COBL: variants seen among roughly 807,000 people sequenced by gnomAD.
COBL encodes the protein cordon-bleu WH2 repeat protein.
In COBL, 51 loss-of-function variants were observed where a neutral mutation model predicts 98.8. The observed-to-expected ratio is 0.52, with a 90% CI of 0.41 to 0.65. The LOEUF is 0.65. Ranked by LOEUF, COBL falls within the 30% of genes least tolerant of loss-of-function variation. The probability of loss-of-function intolerance (pLI) is 0.00; values close to 1 mark genes in which losing one functional copy is unlikely to be tolerated. For missense variants in COBL, 1,617 were observed against 1,617.5 expected (o/e 1.00, Z 0.01); for synonymous variants, 634 against 651.7 (o/e 0.97, Z 0.41).
intron 5 of COBL, among the ~76,000 whole-genome samples, chr7:51,164,418 C>T (rs982605387): frequency 1.3e-5 from 2 of 152,090 alleles, no homozygotes; most frequent in African/African-American, 4.8e-5. Context: ...TGTCTGGCAG[C>T]AGACTTTTCA....
At chr7:51,073,804 T>C (rs1191905557) in intron 7 of COBL, among the ~76,000 whole-genome samples, 1 of 152,190 alleles carries the variant, frequency 6.6e-6, no homozygotes, top group African/African-American at 2.4e-5. Context: ...ACAGACCATA[T>C]GGCTTTGTGA....
chr7:51,132,766 C>T (rs1219821784), intron 6 of COBL, among the ~76,000 whole-genome samples: 2 of 152,160 alleles, frequency 1.3e-5, no homozygotes, highest in African/African-American at 4.8e-5. Flanking sequence ...GAAGCTTTTA[C>T]TCATGGTGAA....
chr7:51,128,367 G>A (rs1382372482), intron 6 of COBL, among the ~76,000 whole-genome samples: 3 of 152,188 alleles, frequency 2.0e-5, no homozygotes, highest in Non-Finnish European at 4.4e-5. Context: ...ATATGTGTGC[G>A]TGTATGTGTG....
At chr7:51,204,049 AGATG>A in intron 2 of COBL, among the ~76,000 whole-genome samples, 1 of 152,344 alleles carries the variant, frequency 6.6e-6, no homozygotes, top group South Asian at 2.1e-4. Flanking sequence ...TTTCTCCCTG[AGATG>A]CAAGGATGGT....
intron 12 of COBL, among the ~76,000 whole-genome samples, chr7:51,020,232 C>A (rs1010779007): frequency 6.6e-6 from 1 of 152,292 alleles, no homozygotes; most frequent in African/African-American, 2.4e-5. Context: ...AGGGGAGCTA[C>A]GACCTTGACT....
intron 1 of COBL, among the ~76,000 whole-genome samples, chr7:51,232,676 T>G (rs1342746241): frequency 6.6e-6 from 1 of 151,896 alleles, no homozygotes; most frequent in Non-Finnish European, 1.5e-5. Flanking sequence ...CTGGGCGTGG[T>G]GGCGGGCATC....
At chr7:51,138,934 C>T (rs1012077294) in intron 5 of COBL, among the ~76,000 whole-genome samples, 2 of 152,212 alleles carry the variant, frequency 1.3e-5, no homozygotes, top group African/African-American at 4.8e-5. Context: ...ACAACTATGC[C>T]TGCCTGACTG....
chr7:51,029,200 A>C lies in COBL; in HGVS notation c.1896T>G (p.Thr632=), dbSNP rs1048771254. Residue 632 remains threonine, a synonymous_variant, in exon 10 of 13, where the codon ACT becomes ACG. Transcript: ENST00000265136. ...CTGTGTGAAGATTCGAAGCAAAAGA[A>C]GTCACCCTGGGCGCCGTTTCCATTA... ...GNLMETAPRV[T]SFASNLHTDN... The C allele has an allele frequency of 4.3e-6, 7 of 1,614,104 alleles. No individual in the cohort carries two copies. In the African/African-American group the frequency reaches 9.3e-5, roughly 22 times the overall value.
intron 2 of COBL, among the ~76,000 whole-genome samples, chr7:51,200,927 A>C (rs184154985): frequency 3.7e-4 from 56 of 152,250 alleles, no homozygotes; most frequent in Non-Finnish European, 6.2e-4. Context: ...AAGAATGAAG[A>C]ATGATATTTC....
chr7:51,174,315 C>T (rs1393229733), intron 5 of COBL, among the ~76,000 whole-genome samples: 1 of 152,090 alleles, frequency 6.6e-6, no homozygotes, highest in African/African-American at 2.4e-5. Context: ...TCTAGATAAA[C>T]TAAATGAGGC....
At chr7:51,158,455 T>C (rs1488849276) in intron 5 of COBL, among the ~76,000 whole-genome samples, 1 of 146,858 alleles carries the variant, frequency 6.8e-6, no homozygotes, top group Non-Finnish European at 1.5e-5. Context: ...GGAAGGACTA[T>C]AGGTCCGCCT....
chr7:51,162,039 T>C (rs753151620), intron 5 of COBL, among the ~76,000 whole-genome samples: 1 of 152,200 alleles, frequency 6.6e-6, no homozygotes, highest in Non-Finnish European at 1.5e-5. Context: ...GCTGTTTGTG[T>C]GACTTAGGAA....
intron 1 of COBL, among the ~76,000 whole-genome samples, chr7:51,237,437 T>C (rs1347532490): frequency 1.3e-5 from 2 of 151,790 alleles, no homozygotes; most frequent in African/African-American, 4.8e-5. Context: ...GACAATAATA[T>C]TGAAAAATAA....
intron 8 of COBL, among the ~76,000 whole-genome samples, chr7:51,039,247 G>A (rs1206481947): frequency 1.3e-5 from 2 of 152,222 alleles, no homozygotes; most frequent in African/African-American, 4.8e-5. Flanking sequence ...GTCTGAACAT[G>A]GATGCTGCTG....
At chr7:51,221,856 C>T (rs1793675547) in intron 1 of COBL, among the ~76,000 whole-genome samples, 1 of 152,214 alleles carries the variant, frequency 6.6e-6, no homozygotes, top group Non-Finnish European at 1.5e-5. Flanking sequence ...ATTCATGTCA[C>T]TGGTTAATGT....
intron 6 of COBL, among the ~76,000 whole-genome samples, chr7:51,122,267 G>A (rs1345729633): frequency 2.0e-5 from 3 of 152,186 alleles, no homozygotes; most frequent in African/African-American, 7.2e-5. Flanking sequence ...CTGCACACTG[G>A]CGTTAGCTGC....
At chr7:51,101,860 G>T (rs1795836572) in intron 6 of COBL, among the ~76,000 whole-genome samples, 1 of 152,088 alleles carries the variant, frequency 6.6e-6, no homozygotes, top group South Asian at 2.1e-4. Context: ...TTCTCGTTAT[G>T]GACTGAATGT....
At chr7:51,246,265 T>C (rs776592101) in intron 1 of COBL, among the ~76,000 whole-genome samples, 1 of 152,160 alleles carries the variant, frequency 6.6e-6, no homozygotes, top group Non-Finnish European at 1.5e-5. Context: ...GGGAGACAAA[T>C]GGCCTGCAGC....
chr7:51,303,397 C>T (rs1802167278), intron 1 of COBL, among the ~76,000 whole-genome samples: 1 of 152,068 alleles, frequency 6.6e-6, no homozygotes, highest in Non-Finnish European at 1.5e-5. Flanking sequence ...AACAAAAATA[C>T]AAAACCAGCA....
Sources: gnomAD v4.1 joint callset for allele counts (sites outside exome capture counted in the v4.1 genomes callset) on GRCh38, gnomAD v4.1.1 for gene constraint, MANE v1.5 for transcripts, NCBI Gene and HGNC (gene_info 2026-07-23, HGNC 2026-07-21) for gene names.